SLC12A6: variants seen among roughly 807,000 people sequenced by gnomAD.
SLC12A6 encodes K-Cl cotransporter 3.
SLC12A6 carries 66 observed loss-of-function variants against 135.3 expected under a neutral mutation model. The ratio of observed to expected loss-of-function variants is 0.49; its 90% CI spans 0.40 to 0.60. The LOEUF (loss-of-function observed/expected upper bound fraction) is 0.60, where lower values mean the gene tolerates loss of function less well. SLC12A6 is among the 20% of genes least tolerant of loss of function. SLC12A6 has a pLI of 0.00. For missense variants in SLC12A6, 1,058 were observed against 1,452.3 expected (o/e 0.73, Z 4.41); for synonymous variants, 513 against 508.8 (o/e 1.01, Z -0.11).
rs1890281102 is a variant in SLC12A6, at chr15:34,337,569, A to C, written c.-310T>G. On this transcript the variant is annotated 5_prime_UTR_variant, in exon 1 of 26. Transcript: ENST00000354181. ...TCTCCTGCGTGTGACAGGACGAGCC[A>C]CCCCCTTTGCCGGAGGCGCGTTCTC... The C allele has an allele frequency of 6.6e-6, 1 of 152,264 alleles. No individual in the cohort carries two copies. Among genetic ancestry groups the C allele is most frequent in the South Asian group, 2.1e-4 (1 of 4,826 alleles). The allele number at this position is 152,264 out of a possible 1,614,324, so 9.4% of individuals were successfully genotyped here.
intron 3 of SLC12A6, 124 bp downstream of exon 3, chr15:34,275,221 T>C (rs1894215958): frequency 6.7e-6 from 4 of 593,712 alleles, no homozygotes; most frequent in Non-Finnish European, 1.2e-5. Context: ...AGGAAAAAAG[T>C]TGTTGGGTGG....
intron 6 of SLC12A6, among the ~76,000 whole-genome samples, 192 bp from the exon 7 acceptor site, chr15:34,256,475 G>C (rs1275051859): frequency 1.3e-5 from 2 of 152,152 alleles, no homozygotes; most frequent in African/African-American, 4.8e-5. Flanking sequence ...CTAATATCTG[G>C]AGGATTCTGT....
chr15:34,273,326 G>A (rs1420164432), intron 3 of SLC12A6, among the ~76,000 whole-genome samples: 2 of 152,172 alleles, frequency 1.3e-5, no homozygotes, highest in African/African-American at 4.8e-5. Flanking sequence ...ACTCCAGCCT[G>A]GGTGACAGAT....
chr15:34,237,069 CAGTCTCT>C, intron 22 of SLC12A6: 1 of 509,728 alleles, frequency 2.0e-6, no homozygotes, highest in Non-Finnish European at 3.5e-6. Flanking sequence ...ATACAAACTC[CAGTCTCT>C]CTTTTTTATA....
rs1166462912 is a variant in SLC12A6, at chr15:34,242,118, A to G, written c.2146T>C (p.Tyr716His). 2 of 1,601,922 alleles carry G rather than the reference A, an allele frequency of 1.2e-6. No homozygotes were observed. Among genetic ancestry groups the G allele is most frequent in the Non-Finnish European group, 1.7e-6 (2 of 1,169,066 alleles). The change falls in exon 17 of 26, where the codon TAC becomes CAC. Residue 716 changes from tyrosine to histidine, a missense_variant. Coordinates refer to ENST00000354181, the MANE Select transcript of SLC12A6 (RefSeq NM_001365088.1). ...CACACTCACCCTTGGTATTCAATGTACTTGTAGATCATACCAGCTATTACC... is the reference window on the plus strand; with the variant it reads ...CACACTCACCCTTGGTATTCAATGTGCTTGTAGATCATACCAGCTATTACC... ...AMVIAGMIYK[Y>H]IEYQGAEKEW... is the part of the protein sequence containing the mutation.
chr15:34,316,256 T>C lies in SLC12A6; in HGVS notation c.271+20154A>G, dbSNP rs111775671. 9.5e-3 allele frequency among the ~76,000 whole-genome samples: 1,454 copies of C among 152,306 alleles called. 32 individuals are homozygous for C. The highest frequency in any genetic ancestry group is 0.033 in the African/African-American group (1,379 of 41,560). ...CTACTGGTTATATAACTGGCCAATG[T>C]TGGAAGTGCTTGTGAAAAAACCATG... On this transcript the variant is annotated intron_variant, in intron 2 of 25. Transcript: ENST00000354181.
chr15:34,293,193 T>C (rs1188088470), intron 2 of SLC12A6, among the ~76,000 whole-genome samples: 2 of 152,272 alleles, frequency 1.3e-5, no homozygotes, highest in African/African-American at 4.8e-5. Context: ...TTAATTGAGT[T>C]CTGATATGGC....
intron 6 of SLC12A6, 33 bp downstream of exon 6, chr15:34,257,609 C>G (rs1201627662): frequency 3.3e-5 from 53 of 1,595,930 alleles, no homozygotes; most frequent in Non-Finnish European, 4.3e-5. Flanking sequence ...TTGCAACGTT[C>G]AGGTGATCTC....
rs763607279 is a variant in SLC12A6, at chr15:34,260,879, ATC to A, written c.411+45_411+46del. On this transcript the variant is annotated intron_variant, in intron 4 of 25. Coordinates refer to ENST00000354181, the MANE Select transcript of SLC12A6 (RefSeq NM_001365088.1). ...TGGGGTAAAATATGGCTATCATGAG[ATC>A]TCTGTTCCTAAAGTCTCAGTCCATA... 1.3e-5 allele frequency: 11 copies of A among 844,532 alleles called. No individual in the cohort carries two copies. The East Asian group carries it at 2.7e-4, about 20-fold the overall frequency. The allele number at this position is 844,532 out of a possible 1,614,324, so 52.3% of individuals were successfully genotyped here.
At chr15:34,268,957 A>G (rs1893716966) in intron 3 of SLC12A6, among the ~76,000 whole-genome samples, 1 of 151,988 alleles carries the variant, frequency 6.6e-6, no homozygotes, top group Non-Finnish European at 1.5e-5. Flanking sequence ...CCAGGGTTCA[A>G]GCAATTCTCC....
chr15:34,319,065 T>C (rs1450354709), intron 2 of SLC12A6, among the ~76,000 whole-genome samples: 2 of 152,064 alleles, frequency 1.3e-5, no homozygotes, highest in Non-Finnish European at 2.9e-5. Context: ...GTCATTCTTA[T>C]CTGCATGTCA....
intron 2 of SLC12A6, among the ~76,000 whole-genome samples, chr15:34,308,476 T>C (rs1453075966): frequency 6.6e-6 from 1 of 151,730 alleles, no homozygotes; most frequent in African/African-American, 2.4e-5. Context: ...AATATGAAAA[T>C]TAGCCGGGCA....
intron 2 of SLC12A6, among the ~76,000 whole-genome samples, chr15:34,286,964 G>GAAGCA: frequency 6.6e-6 from 1 of 151,820 alleles, no homozygotes; most frequent in East Asian, 1.9e-4. Flanking sequence ...AGCCAATGAG[G>GAAGCA]AAGCAAAGCA....
intron 2 of SLC12A6, among the ~76,000 whole-genome samples, chr15:34,287,681 G>A (rs1895195623): frequency 6.6e-6 from 1 of 152,194 alleles, no homozygotes; most frequent in Non-Finnish European, 1.5e-5. Flanking sequence ...TAACTGGTGT[G>A]AGATGGTATC....
At chr15:34,275,930 A>G (rs185782170) in intron 2 of SLC12A6, among the ~76,000 whole-genome samples, 2 of 152,170 alleles carry the variant, frequency 1.3e-5, no homozygotes, top group Admixed American at 1.3e-4. Context: ...TGGAAAGCAG[A>G]TTAGAGGTTA....
chr15:34,273,491 C>T (rs567975320), intron 3 of SLC12A6, among the ~76,000 whole-genome samples: 24 of 152,296 alleles, frequency 1.6e-4, no homozygotes, highest in Middle Eastern at 3.4e-3. Context: ...ACTGTTTCAG[C>T]ATATAAACTC....
Position 34,237,960 on chromosome 15 carries a change from T to A in SLC12A6, c.2802+272A>T, listed in dbSNP as rs572189049. On this transcript the variant is annotated intron_variant, in intron 21 of 25. Coordinates refer to ENST00000354181, the MANE Select transcript of SLC12A6 (RefSeq NM_001365088.1). ...TATACCTTAAGTTTTCAGTATTTTT[T>A]AAAAAAAGATGTGTTCACTTGTTGT... Among the ~76,000 whole-genome samples, 278 of 152,308 alleles carry A rather than the reference T, an allele frequency of 1.8e-3. 1 individual carries two copies. Among genetic ancestry groups the A allele is most frequent in the Middle Eastern group, 6.8e-3 (2 of 294 alleles).
At chr15:34,308,641 A>C (rs1307123631) in intron 2 of SLC12A6, among the ~76,000 whole-genome samples, 11 of 151,404 alleles carry the variant, frequency 7.3e-5, no homozygotes, top group South Asian at 6.3e-4. Context: ...AAAAAAAAAA[A>C]AAAAAAAAAA....
intron 8 of SLC12A6, 125 bp downstream of exon 8, chr15:34,255,137 C>T: frequency 1.2e-6 from 1 of 832,078 alleles, no homozygotes; most frequent in South Asian, 1.4e-5. Context: ...AAGAGGCCAA[C>T]TGACGTTGGC....
Sources: allele counts gnomAD v4.1 joint callset (sites outside exome capture counted in the v4.1 genomes callset), GRCh38; gene constraint gnomAD v4.1.1; transcripts MANE v1.5; gene names NCBI Gene and HGNC (gene_info 2026-07-23, HGNC 2026-07-21).